PLEKHA7: variants seen among roughly 807,000 people sequenced by gnomAD.
The protein encoded by PLEKHA7 is pleckstrin homology domain-containing family A member 7.
A neutral mutation model predicts 170.0 loss-of-function variants in PLEKHA7; 104 were observed. That is an observed-to-expected ratio of 0.61 (90% CI 0.52 to 0.72). The LOEUF (loss-of-function observed/expected upper bound fraction) is 0.72. Among genes scored for constraint, PLEKHA7 ranks in the 30% least tolerant of loss-of-function variants. The probability of loss-of-function intolerance (pLI) is 0.00; values close to 1 mark genes in which losing one functional copy is unlikely to be tolerated. For synonymous variants in PLEKHA7, 648 were observed against 660.8 expected (o/e 0.98, Z 0.30); for missense variants, 1,615 against 1,671.7 (o/e 0.97, Z 0.59).
At chr11:16,875,215 C>T (rs551197403) in intron 3 of PLEKHA7, among the ~76,000 whole-genome samples, 38 of 152,296 alleles carry the variant, frequency 2.5e-4, no homozygotes, top group African/African-American at 9.1e-4. Context: ...AACTAAGCAG[C>T]TTTAACTATG....
chr11:16,847,090 CTTTTT>C (rs59132787), intron 8 of PLEKHA7, among the ~76,000 whole-genome samples: 3 of 70,824 alleles, frequency 4.2e-5, no homozygotes, highest in African/African-American at 1.6e-4. Flanking sequence ...TTTTTTTTTT[CTTTTT>C]TTTTTTTTTT....
At chr11:16,908,917 G>T (rs557870961) in intron 3 of PLEKHA7, among the ~76,000 whole-genome samples, 1 of 152,312 alleles carries the variant, frequency 6.6e-6, no homozygotes, top group South Asian at 2.1e-4. Context: ...GAGCAGGCAG[G>T]TGGGGTTTAC....
intron 3 of PLEKHA7, among the ~76,000 whole-genome samples, chr11:16,968,898 C>T (rs964914304): frequency 6.6e-6 from 1 of 152,296 alleles, no homozygotes; most frequent in African/African-American, 2.4e-5. Flanking sequence ...CTAATATGCC[C>T]CCCATACCCA....
At chr11:16,879,801 C>T (rs1565059979) in intron 3 of PLEKHA7, among the ~76,000 whole-genome samples, 1 of 152,338 alleles carries the variant, frequency 6.6e-6, no homozygotes, top group East Asian at 1.9e-4. Flanking sequence ...TTGCAAACCT[C>T]TACATTTCAT....
chr11:16,920,173 C>T (rs190090820), intron 3 of PLEKHA7, among the ~76,000 whole-genome samples: 126 of 152,346 alleles, frequency 8.3e-4, no homozygotes, highest in African/African-American at 2.9e-3. Flanking sequence ...TATTACTACT[C>T]TACCTGTACT....
chr11:16,786,064 G>T (rs1305609924), intron 24 of PLEKHA7, among the ~76,000 whole-genome samples, 165 bp downstream of exon 24: 1 of 152,160 alleles, frequency 6.6e-6, no homozygotes, highest in Non-Finnish European at 1.5e-5. Context: ...GAAACATCTG[G>T]CCTCCTTTCA....
At chr11:17,013,951 G>GC in intron 3 of PLEKHA7, 38 bp downstream of exon 3, 1 of 1,486,334 alleles carries the variant, frequency 6.7e-7, no homozygotes, top group Admixed American at 2.2e-5. Flanking sequence ...CCCCCCCCCC[G>GC]CGGCACAGGT....
intron 17 of PLEKHA7, among the ~76,000 whole-genome samples, chr11:16,798,772 T>C (rs1295829358): frequency 6.6e-6 from 1 of 152,190 alleles, no homozygotes; most frequent in Non-Finnish European, 1.5e-5. Context: ...TGTATACTCA[T>C]TCCAACCCCA....
At chr11:16,788,748 A>G (rs1849575587) in intron 23 of PLEKHA7, 1 of 360,490 alleles carries the variant, frequency 2.8e-6, no homozygotes, top group Non-Finnish European at 5.2e-6. Flanking sequence ...TCATGTCACC[A>G]TCTTCCTCCT....
intron 3 of PLEKHA7, among the ~76,000 whole-genome samples, chr11:16,960,826 C>T (rs1338771206): frequency 6.6e-6 from 1 of 152,156 alleles, no homozygotes; most frequent in African/African-American, 2.4e-5. Context: ...ACCCTACCTT[C>T]ACCCCTAACA....
intron 3 of PLEKHA7, among the ~76,000 whole-genome samples, chr11:16,962,954 A>T (rs1862155880): frequency 6.6e-6 from 1 of 152,228 alleles, no homozygotes; most frequent in Non-Finnish European, 1.5e-5. Flanking sequence ...TTAAAGATAC[A>T]AGAGAAGCAA....
At chr11:16,832,523 T>A (rs1297626666) in intron 9 of PLEKHA7, among the ~76,000 whole-genome samples, 2 of 152,218 alleles carry the variant, frequency 1.3e-5, no homozygotes, top group Non-Finnish European at 2.9e-5. Flanking sequence ...GTGCACTGAT[T>A]ATTATTTTAT....
intron 3 of PLEKHA7, among the ~76,000 whole-genome samples, chr11:16,906,684 C>T (rs1473496761): frequency 3.6e-5 from 5 of 139,908 alleles, no homozygotes; most frequent in African/African-American, 1.6e-4. Context: ...ACAACCTCCA[C>T]CTCCCAGCTG....
chr11:17,007,128 G>T (rs1423573819), intron 3 of PLEKHA7, among the ~76,000 whole-genome samples: 1 of 152,190 alleles, frequency 6.6e-6, no homozygotes, highest in Admixed American at 6.5e-5. Context: ...TGCTGCCCAG[G>T]GGGGCATGGA....
At chr11:16,889,412 A>AT (rs1459889235) in intron 3 of PLEKHA7, among the ~76,000 whole-genome samples, 48 of 115,490 alleles carry the variant, frequency 4.2e-4, no homozygotes, top group African/African-American at 1.5e-3. Flanking sequence ...AAAAAAAAAA[A>AT]AAAAAAAAAT....
chr11:16,939,587 G>A (rs538394425), intron 3 of PLEKHA7, among the ~76,000 whole-genome samples: 5 of 152,318 alleles, frequency 3.3e-5, no homozygotes, highest in South Asian at 2.1e-4. Context: ...ATGCAGAGGT[G>A]AGACAGGAAT....
At chr11:16,851,469 G>A (rs1852950288) in intron 7 of PLEKHA7, among the ~76,000 whole-genome samples, 178 bp from the exon 8 acceptor site, 1 of 151,792 alleles carries the variant, frequency 6.6e-6, no homozygotes, top group South Asian at 2.1e-4. Flanking sequence ...TTTTTTTTGA[G>A]ACGGAGTTTC....
chr11:16,826,668 G>A (rs754951935), intron 9 of PLEKHA7, 78 bp from the exon 10 acceptor site: 16 of 1,276,790 alleles, frequency 1.3e-5, no homozygotes, highest in Non-Finnish European at 1.8e-5. Context: ...TCAATCACCT[G>A]CAGGCCTTTG....
rs188643918 is a variant in PLEKHA7, at chr11:16,912,296, G to A, written c.222-41114C>T. On this transcript the variant is annotated intron_variant, in intron 3 of 26. Transcript: ENST00000531066. ...GGCATTCTAATGTGCAGCCAGGGGT[G>A]GCACTCACTGGGCTAAGGCCTTGCA... Among the ~76,000 whole-genome samples the A allele has an allele frequency of 3.3e-5, 5 of 152,280 alleles. No homozygotes were observed. The East Asian group carries it at 9.7e-4, about 29-fold the overall frequency.
Sources: allele counts gnomAD v4.1 joint callset (sites outside exome capture counted in the v4.1 genomes callset), GRCh38; gene constraint gnomAD v4.1.1; transcripts MANE v1.5; gene names NCBI Gene and HGNC (gene_info 2026-07-23, HGNC 2026-07-21).